Variants in ACADM observed in about 807,000 individuals in gnomAD.
The protein encoded by ACADM is acyl-CoA dehydrogenase medium chain, also known as medium-chain specific acyl-CoA dehydrogenase, mitochondrial.
ACADM carries 49 observed loss-of-function variants against 58.9 expected under a neutral mutation model. The observed-to-expected ratio is 0.83, with a 90% CI of 0.66 to 1.06. The LOEUF is 1.06. Among genes scored for constraint, ACADM ranks in the 50% least tolerant of loss-of-function variants. ACADM has a pLI of 0.00. For missense variants in ACADM, 496 were observed against 507.0 expected, an observed-to-expected ratio of 0.98 and a Z score of 0.21; for synonymous variants, 160 against 157.7, an observed-to-expected ratio of 1.01 and a Z score of -0.11.
chr1:75,742,885 G>A (rs928607703), intron 7 of ACADM, among the ~76,000 whole-genome samples: 4 of 151,878 alleles, frequency 2.6e-5, no homozygotes, highest in African/African-American at 9.7e-5. Context: ...AATGACAATG[G>A]AGAATGAAGG....
chr1:75,737,304 A>G (rs1014627447), intron 6 of ACADM, among the ~76,000 whole-genome samples: 7 of 103,190 alleles, frequency 6.8e-5, no homozygotes, highest in African/African-American at 1.0e-4. Context: ...ATATATATAT[A>G]TATATATATA....
Position 75,749,411 on chromosome 1 carries a change from C to T in ACADM, c.709-8C>T. The T allele has an allele frequency of 6.2e-7, 1 of 1,613,214 alleles. No homozygotes were observed. Among genetic ancestry groups the T allele is most frequent in the African/African-American group, 1.3e-5 (1 of 75,002 alleles). The stretch of plus-strand genomic sequence containing the variant: ...AAATTCCTTAAAATATATCAATTTT[C>T]TTATTAGGAATTAAACATGGGCCAG... On this transcript the variant is annotated splice_polypyrimidine_tract_variant and splice_region_variant and intron_variant, in intron 8 of 11. Coordinates refer to ENST00000370841, the MANE Select transcript of ACADM (RefSeq NM_000016.6).
At chr1:75,759,656 CTTTTTT>C (rs34394777) in intron 10 of ACADM, among the ~76,000 whole-genome samples, 1 of 87,584 alleles carries the variant, frequency 1.1e-5, no homozygotes, top group Non-Finnish European at 2.2e-5. Flanking sequence ...TAGCAACTTT[CTTTTTT>C]TTTTTTTTTT....
At position 75,762,722 on chromosome 1, in the gene ACADM, C is replaced by T. The variant is rs1570912187; in HGVS notation, c.1225C>T (p.Leu409Phe). ...TGAAGGTACTTCACAAATTCAAAGA[C>T]TTATTGTAGCCCGTGAACACATTGA... ...IYEGTSQIQR[L>F]IVAREHIDKY... Residue 409 changes from leucine to phenylalanine, a missense_variant, in exon 12 of 12, where the codon CTT becomes TTT. Physicochemically the swap from Leu to Phe is conservative, Grantham distance 22. Coordinates refer to ENST00000370841, the MANE Select transcript of ACADM (RefSeq NM_000016.6). The T allele has an allele frequency of 6.2e-7, 1 of 1,608,100 alleles. No individual in the cohort carries two copies. The highest frequency in any genetic ancestry group is 8.5e-7 in the Non-Finnish European group (1 of 1,174,948).
At chr1:75,726,203 T>G (rs976170288) in intron 1 of ACADM, among the ~76,000 whole-genome samples, 2 of 151,954 alleles carry the variant, frequency 1.3e-5, no homozygotes, top group Non-Finnish European at 2.9e-5. Flanking sequence ...AGGCCAGGAG[T>G]TCGAGACCAG....
At chr1:75,753,249 C>T (rs1331308196) in intron 10 of ACADM, among the ~76,000 whole-genome samples, 1 of 152,120 alleles carries the variant, frequency 6.6e-6, no homozygotes, top group Non-Finnish European at 1.5e-5. Flanking sequence ...TTAGATTGTT[C>T]ATGCTCACAT....
chr1:75,728,690 G>C (rs1415976170), intron 2 of ACADM, among the ~76,000 whole-genome samples: 1 of 152,126 alleles, frequency 6.6e-6, no homozygotes, highest in East Asian at 1.9e-4. Flanking sequence ...CTGTACATTA[G>C]ATCTGTTTTA....
intron 8 of ACADM, 152 bp downstream of exon 8, chr1:75,746,066 A>G (rs1647884581): frequency 3.8e-5 from 25 of 650,828 alleles, no homozygotes; most frequent in Middle Eastern, 4.0e-4. Context: ...AATAGTCTAT[A>G]TACTACTGAA....
chr1:75,759,340 A>G (rs1443237737), intron 10 of ACADM, among the ~76,000 whole-genome samples: 4 of 152,162 alleles, frequency 2.6e-5, no homozygotes, highest in Non-Finnish European at 5.9e-5. Context: ...GAAACTCCCA[A>G]CCCTCTAATC....
intron 5 of ACADM, 176 bp from the exon 6 acceptor site, chr1:75,734,615 A>G: frequency 1.7e-6 from 1 of 590,962 alleles, no homozygotes; most frequent in South Asian, 2.0e-5. Context: ...TTATGAAAAT[A>G]CTTAGATTAG....
intron 10 of ACADM, among the ~76,000 whole-genome samples, chr1:75,751,270 G>A (rs1246528534): frequency 6.6e-6 from 1 of 151,250 alleles, no homozygotes; most frequent in Admixed American, 6.6e-5. Flanking sequence ...AACCCAGGAG[G>A]CAGAGCTTGC....
chr1:75,729,295 C>CTTTTTTTTTTTTTTTTTTTTT, intron 2 of ACADM, among the ~76,000 whole-genome samples: 2 of 85,348 alleles, frequency 2.3e-5, no homozygotes, highest in African/African-American at 5.1e-5. Flanking sequence ...TTTCTTTTTT[C>CTTTTTTTTTTTTTTTTTTTTT]TTTTTTTTTT....
chr1:75,753,795 C>CTTTTTTTTTTT (rs71071962), intron 10 of ACADM, among the ~76,000 whole-genome samples: 1,556 of 81,736 alleles, frequency 0.019, 308 homozygotes, highest in African/African-American at 0.074. Context: ...CTGATAGCTT[C>CTTTTTTTTTTT]TTTTTTTTTT....
intron 7 of ACADM, chr1:75,745,484 TA>T (rs1021172541): frequency 0.022 from 5,177 of 240,416 alleles, no homozygotes; most frequent in South Asian, 0.039. Flanking sequence ...AGATCTTGTC[TA>T]AAAAAAAAAA....
At chr1:75,741,676 A>G (rs1475338355) in intron 7 of ACADM, among the ~76,000 whole-genome samples, 2 of 152,238 alleles carry the variant, frequency 1.3e-5, no homozygotes, top group Non-Finnish European at 2.9e-5. Flanking sequence ...AATATATGAA[A>G]CCAGATAACA....
At chr1:75,746,555 T>G (rs530635628) in intron 8 of ACADM, among the ~76,000 whole-genome samples, 127 of 152,096 alleles carry the variant, frequency 8.3e-4, no homozygotes, top group African/African-American at 2.9e-3. Flanking sequence ...AATTTAAAAT[T>G]ATAAATTTTA....
In ACADM at chr1:75,761,130, AAT is replaced by A. The variant is rs1057517103; in HGVS notation, c.957_958del (p.Ser320IlefsTer5). 7 of 1,613,986 alleles carry A rather than the reference AAT, an allele frequency of 4.3e-6. No individual in the cohort carries two copies. Among genetic ancestry groups the A allele is most frequent in the Non-Finnish European group, 5.9e-6 (7 of 1,179,868 alleles). ...FGKLLVEHQA[I>X]SFMLAEMAMK... ...TTTCTTTTTAATTCTAGCACCAAGC[AAT>A]ATCATTTATGCTGGCTGAAATGGCA... On this transcript the variant is annotated frameshift_variant, in exon 11 of 12. Transcript: ENST00000370841. LOFTEE classifies it high-confidence loss of function.
intron 10 of ACADM, among the ~76,000 whole-genome samples, chr1:75,751,995 CT>C (rs34262751): frequency 8.8e-4 from 123 of 140,216 alleles, no homozygotes; most frequent in East Asian, 1.2e-3. Context: ...TCCTATTTCT[CT>C]TTTTTTTTTT....
chr1:75,760,465 CGGGAGGG>C (rs1557466008), intron 10 of ACADM, among the ~76,000 whole-genome samples: 1 of 127,288 alleles, frequency 7.9e-6, no homozygotes, highest in Non-Finnish European at 1.6e-5. Flanking sequence ...GGGGCTGAGG[CGGGAGGG>C]TCGTTGAGGC....
Sources: allele counts gnomAD v4.1 joint callset (sites outside exome capture counted in the v4.1 genomes callset), GRCh38; gene constraint gnomAD v4.1.1; transcripts MANE v1.5; gene names NCBI Gene and HGNC (gene_info 2026-07-23, HGNC 2026-07-21).